PLEKHH1: variants seen among roughly 807,000 people sequenced by gnomAD.
PLEKHH1 encodes the protein pleckstrin homology, MyTH4 and FERM domain containing H1.
PLEKHH1 carries 104 observed loss-of-function variants against 160.0 expected under a neutral mutation model. The ratio of observed to expected loss-of-function variants is 0.65; its 90% CI spans 0.55 to 0.76. The LOEUF (loss-of-function observed/expected upper bound fraction) is 0.76, where lower values mean the gene tolerates loss of function less well. Ranked by LOEUF, PLEKHH1 falls within the 30% of genes least tolerant of loss-of-function variation. The pLI is 0.00. For missense variants in PLEKHH1, 1,427 were observed against 1,724.1 expected, an observed-to-expected ratio of 0.83 and a Z score of 3.05; for synonymous variants, 619 against 678.4, an observed-to-expected ratio of 0.91 and a Z score of 1.36.
chr14:67,561,206 CAACCCTTGCTA>C (rs1421218994), intron 5 of PLEKHH1, among the ~76,000 whole-genome samples: 1 of 152,164 alleles, frequency 6.6e-6, no homozygotes, highest in Non-Finnish European at 1.5e-5. Flanking sequence ...CTCACAGTCC[CAACCCTTGCTA>C]AAAGATACTC....
At chr14:67,566,749 G>GA (rs58616303) in intron 7 of PLEKHH1, among the ~76,000 whole-genome samples, 7,137 of 134,148 alleles carry the variant, frequency 0.053, 616 homozygotes, top group African/African-American at 0.18. Flanking sequence ...ACCCTGTCTT[G>GA]AAAAAAAAAA....
Position 67,578,530 on chromosome 14 carries a change from G to C in PLEKHH1, c.2752-4G>C. The C allele has an allele frequency of 6.2e-7, 1 of 1,601,770 alleles. No individual in the cohort carries two copies. The highest frequency in any genetic ancestry group is 8.5e-7 in the Non-Finnish European group (1 of 1,172,380). On this transcript the variant is annotated splice_region_variant and splice_polypyrimidine_tract_variant and intron_variant, in intron 19 of 28. Coordinates refer to ENST00000329153, the MANE Select transcript of PLEKHH1 (RefSeq NM_020715.3). This position sits in a 1 kb window ranked among gnomAD's most constrained non-coding sequence, Gnocchi z 5.0. ...TCACCCCACGCTGTCTGTGTCCCTG[G>C]CAGTGCTGGCAGCTCCTCGCTCTGT...
intron 26 of PLEKHH1, 56 bp from the exon 27 acceptor site, chr14:67,585,512 A>G (rs947018798): frequency 8.4e-7 from 1 of 1,195,370 alleles, no homozygotes. Flanking sequence ...GAAAGTTATT[A>G]TAGTTCAAAA....
In PLEKHH1 at chr14:67,578,103, G is replaced by C; in HGVS notation, c.2655G>C (p.Gln885His). 13 of 1,613,846 alleles carry C rather than the reference G, an allele frequency of 8.1e-6. No homozygotes were observed. Among genetic ancestry groups the C allele is most frequent in the Non-Finnish European group, 1.1e-5 (13 of 1,179,826 alleles). Residue 885 changes from glutamine to histidine, a missense_variant, in exon 19 of 29, where the codon CAG becomes CAC. By Grantham distance (24) the Gln-to-His change is conservative. Around this residue, in one of 6 missense-constraint regions of PLEKHH1, gnomAD observed 436 missense variants for 607.5 expected, o/e 0.72. Coordinates refer to ENST00000329153, the MANE Select transcript of PLEKHH1 (RefSeq NM_020715.3). The surrounding 1 kb of genome is among the most constrained non-coding windows in gnomAD (Gnocchi z 5.0). ...YHVSLAQTAL[Q>H]VCLVHPELQS... ...TGTCCCTGGCCCAGACCGCACTGCA[G>C]GTCTGCCTGGTTCACCCCGAGCTGC...
Position 67,578,615 on chromosome 14 carries a change from C to T in PLEKHH1, c.2833C>T (p.Arg945Cys), listed in dbSNP as rs1410618323. The T allele has an allele frequency of 1.1e-5, 18 of 1,607,156 alleles. No homozygotes were observed. The highest frequency in any genetic ancestry group is 2.7e-5 in the African/African-American group (2 of 74,816). ...FLWYVKQQLQ[R>C]HADPRSETGQ... ...CTGGTATGTCAAGCAGCAGCTCCAA[C>T]GCCATGCAGATCCCAGGTGAGTGAA... The change falls in exon 20 of 29, where the codon CGC becomes TGC. Residue 945 changes from arginine (R) to cysteine (C), a missense_variant. Transcript: ENST00000329153. The surrounding 1 kb of genome is among the most constrained non-coding windows in gnomAD (Gnocchi z 5.0).
In PLEKHH1 at chr14:67,587,598, G is replaced by C. The variant is rs117101754; in HGVS notation, c.*363G>C. 5,877 of 290,090 alleles carry C rather than the reference G, an allele frequency of 0.02. 212 individuals carry two copies. Among genetic ancestry groups the C allele is most frequent in the South Asian group, 0.087 (2,654 of 30,668 alleles). 18.0% of individuals were successfully genotyped at this position (290,090 alleles called of 1,614,324 possible). ...CTCAAGGAAGCTAATTTTCTTTCTGGGGGGGGCGGGGGACACAGTGTCACT... is the reference window on the plus strand; with the variant it reads ...CTCAAGGAAGCTAATTTTCTTTCTGCGGGGGGCGGGGGACACAGTGTCACT... On this transcript the variant is annotated 3_prime_UTR_variant, in exon 29 of 29. Coordinates refer to ENST00000329153, the MANE Select transcript of PLEKHH1 (RefSeq NM_020715.3).
chr14:67,542,669 T>A (rs1160751014), intron 2 of PLEKHH1, among the ~76,000 whole-genome samples: 1 of 152,066 alleles, frequency 6.6e-6, no homozygotes, highest in Non-Finnish European at 1.5e-5. Context: ...TGTGGGAAGA[T>A]AACATTCTAT....
chr14:67,564,092 G>A (rs950990200), intron 7 of PLEKHH1, among the ~76,000 whole-genome samples: 1 of 151,656 alleles, frequency 6.6e-6, no homozygotes, highest in Non-Finnish European at 1.5e-5. Flanking sequence ...TAGTAGAGAC[G>A]GGGTTTCACC....
At chr14:67,585,277 CA>C in intron 26 of PLEKHH1, 1 of 320,886 alleles carries the variant, frequency 3.1e-6, no homozygotes, top group Middle Eastern at 9.6e-4. Context: ...CAGAGCTTTC[CA>C]TCCAGTGTGC....
chr14:67,563,195 G>A (rs990077192), intron 7 of PLEKHH1, among the ~76,000 whole-genome samples: 2 of 152,184 alleles, frequency 1.3e-5, no homozygotes, highest in African/African-American at 4.8e-5. Flanking sequence ...CAGGTGGTCT[G>A]GTATGATGGT....
chr14:67,545,117 A>G (rs1566725208), intron 2 of PLEKHH1, among the ~76,000 whole-genome samples: 1 of 152,190 alleles, frequency 6.6e-6, no homozygotes, highest in African/African-American at 2.4e-5. Flanking sequence ...GACATAAGCA[A>G]TCAAGCTCTA....
chr14:67,589,167 A>G lies in PLEKHH1; in HGVS notation c.*1932A>G, dbSNP rs3742875. 17,214 of 173,532 alleles carry G rather than the reference A, an allele frequency of 0.099. 929 individuals are homozygous for G. The highest frequency in any genetic ancestry group is 0.15 in the Middle Eastern group (51 of 344). The allele number at this position is 173,532 out of a possible 1,614,324, so 10.7% of individuals were successfully genotyped here. Reference sequence around the variant, plus strand: ...GAGTTTAGAAGAAAAGTAGGAGTCCAAAGGAAGAGTAAACAAGAATGGAGC... The same window carrying G: ...GAGTTTAGAAGAAAAGTAGGAGTCCGAAGGAAGAGTAAACAAGAATGGAGC... On this transcript the variant is annotated 3_prime_UTR_variant, in exon 29 of 29. Transcript: ENST00000329153.
At chr14:67,575,710 T>G in intron 15 of PLEKHH1, 113 bp from the exon 16 acceptor site, 1 of 822,306 alleles carries the variant, frequency 1.2e-6, no homozygotes, top group Non-Finnish European at 2.0e-6. Context: ...CTCCCCATCC[T>G]GTCATCGGTC....
At chr14:67,586,146 G>C in intron 28 of PLEKHH1, 49 bp downstream of exon 28, 1 of 1,599,524 alleles carries the variant, frequency 6.3e-7, no homozygotes, top group Non-Finnish European at 8.5e-7. Context: ...GATGTGGTGG[G>C]CTTGGAGCTT....
Position 67,557,323 on chromosome 14 carries a change from G to A in PLEKHH1, c.244G>A (p.Glu82Lys). The change falls in exon 4 of 29, where the codon GAG (glutamate) becomes AAG (lysine). Residue 82 changes from glutamate to lysine, a missense_variant. This residue lies in a region of PLEKHH1 where 831 missense variants were observed against 929.2 expected (regional missense o/e 0.89). Transcript: ENST00000329153. The part of the protein sequence containing the change: ...KLSNLKNVDS[E>K]GSLHRKYQEL... ...ATCCAATCTGAAGAATGTGGACTCT[G>A]AGGGGAGCCTGCACCGGAAATACCA... 6.2e-7 allele frequency: 1 copy of A among 1,613,764 alleles called. No homozygotes were observed.
intron 9 of PLEKHH1, chr14:67,570,381 A>G: frequency 1.4e-6 from 1 of 700,390 alleles, no homozygotes; most frequent in South Asian, 6.4e-5. Context: ...TACATTTTAA[A>G]AACAAAAATC....
chr14:67,554,977 A>G (rs2034536692), intron 2 of PLEKHH1, among the ~76,000 whole-genome samples: 1 of 152,108 alleles, frequency 6.6e-6, no homozygotes, highest in South Asian at 2.1e-4. Flanking sequence ...CAGTGGTGCC[A>G]TCTCAGCTCA....
chr14:67,577,298 G>A lies in PLEKHH1; in HGVS notation c.2462-4G>A. ...CTTGCTCTCTGGTTCCGTGCTTTGG[G>A]CAGATTCGCCGCTCTGGAGGCACCC... On this transcript the variant is annotated splice_region_variant and splice_polypyrimidine_tract_variant and intron_variant, in intron 17 of 28. Transcript: ENST00000329153. The A allele has an allele frequency of 6.4e-7, 1 of 1,556,012 alleles. No individual in the cohort carries two copies. Among genetic ancestry groups the A allele is most frequent in the Non-Finnish European group, 8.7e-7 (1 of 1,149,644 alleles).
chr14:67,536,912 C>A (rs576197395), intron 1 of PLEKHH1, among the ~76,000 whole-genome samples: 1 of 151,412 alleles, frequency 6.6e-6, no homozygotes, highest in Non-Finnish European at 1.5e-5. Context: ...TGGTGGCATC[C>A]GCCTGTAATC....
Sources: gnomAD v4.1 joint callset for allele counts (sites outside exome capture counted in the v4.1 genomes callset) on GRCh38, gnomAD v4.1.1 for gene constraint, gnomAD v4.1.1 regional missense constraint, Gnocchi (gnomAD v3.1) non-coding constraint, MANE v1.5 for transcripts, NCBI Gene and HGNC (gene_info 2026-07-23, HGNC 2026-07-21) for gene names.